The following FBXL17 variants were observed in gnomAD, a reference collection of about 807,000 sequenced individuals.
FBXL17 encodes the protein F-box and leucine rich repeat protein 17.
A neutral mutation model predicts 66.2 loss-of-function variants in FBXL17; 22 were observed. The observed-to-expected ratio is 0.33, with a 90% CI of 0.24 to 0.47. The LOEUF (loss-of-function observed/expected upper bound fraction) is 0.47. FBXL17 is among the 20% of genes least tolerant of loss of function. The pLI, the probability that FBXL17 is intolerant of heterozygous loss-of-function variation, is 1.00. For synonymous variants in FBXL17, 474 were observed against 400.5 expected (o/e 1.18, Z -2.19); for missense variants, 878 against 948.2 (o/e 0.93, Z 0.97).
intron 6 of FBXL17, among the ~76,000 whole-genome samples, chr5:108,172,534 A>C (rs1752645953): frequency 6.6e-6 from 1 of 152,192 alleles, no homozygotes; most frequent in Non-Finnish European, 1.5e-5. Flanking sequence ...CTATATTTTC[A>C]ACTACAAATA....
intron 4 of FBXL17, among the ~76,000 whole-genome samples, chr5:108,236,293 T>C (rs954938481): frequency 1.3e-5 from 2 of 151,158 alleles, no homozygotes; most frequent in Non-Finnish European, 2.9e-5. Context: ...AGGAGGATCA[T>C]TTGAGGTCAG....
At chr5:108,317,576 A>G (rs565628037) in intron 4 of FBXL17, among the ~76,000 whole-genome samples, 16 of 151,420 alleles carry the variant, frequency 1.1e-4, no homozygotes, top group African/African-American at 3.9e-4. Flanking sequence ...ATAATCTGCT[A>G]AAAATACTCT....
intron 6 of FBXL17, among the ~76,000 whole-genome samples, chr5:108,182,765 G>C (rs1156991670): frequency 6.6e-6 from 1 of 152,160 alleles, no homozygotes; most frequent in Non-Finnish European, 1.5e-5. Flanking sequence ...AAGGCAAAGT[G>C]AGAGCTCTCG....
chr5:108,052,062 G>A (rs1260156765), intron 6 of FBXL17, among the ~76,000 whole-genome samples: 3 of 140,094 alleles, frequency 2.1e-5, no homozygotes, highest in African/African-American at 8.0e-5. Flanking sequence ...GCACTGAGCC[G>A]AGATCGTGCC....
intron 4 of FBXL17, among the ~76,000 whole-genome samples, chr5:108,305,677 A>G (rs1428709779): frequency 2.6e-5 from 4 of 152,106 alleles, no homozygotes; most frequent in African/African-American, 7.2e-5. Context: ...GTTCAGTCCA[A>G]TTGAGTTTTG....
chr5:107,878,215 G>A (rs1056539264), intron 8 of FBXL17: 69 of 953,574 alleles, frequency 7.2e-5, no homozygotes, highest in Non-Finnish European at 8.6e-5. Context: ...CAAAGGCAAA[G>A]CATTCTCTAG....
At chr5:108,195,463 G>A (rs1216723460) in intron 5 of FBXL17, among the ~76,000 whole-genome samples, 1 of 152,178 alleles carries the variant, frequency 6.6e-6, no homozygotes, top group Non-Finnish European at 1.5e-5. Flanking sequence ...TGAATGGAAT[G>A]AAGACTAGCA....
chr5:108,220,288 G>A (rs530730942), intron 5 of FBXL17, among the ~76,000 whole-genome samples: 1 of 152,092 alleles, frequency 6.6e-6, no homozygotes, highest in African/African-American at 2.4e-5. Flanking sequence ...TGGTCTCCCT[G>A]GCCTTTCTGT....
chr5:108,131,202 G>T (rs939087450), intron 6 of FBXL17, among the ~76,000 whole-genome samples: 1 of 152,012 alleles, frequency 6.6e-6, no homozygotes, highest in Non-Finnish European at 1.5e-5. Flanking sequence ...ACATTAAAAG[G>T]CTCCTTGAGC....
At chr5:107,967,916 A>T (rs1752216220) in intron 7 of FBXL17, among the ~76,000 whole-genome samples, 1 of 152,128 alleles carries the variant, frequency 6.6e-6, no homozygotes, top group African/African-American at 2.4e-5. Context: ...GTTAGTTATT[A>T]TCTGCTTCAA....
chr5:108,276,063 A>G (rs1280510733), intron 4 of FBXL17, among the ~76,000 whole-genome samples: 1 of 152,220 alleles, frequency 6.6e-6, no homozygotes, highest in Non-Finnish European at 1.5e-5. Flanking sequence ...ATGTAATCCA[A>G]TATTAAATTA....
intron 6 of FBXL17, among the ~76,000 whole-genome samples, chr5:108,040,908 T>G (rs1024603485): frequency 1.3e-5 from 2 of 152,088 alleles, no homozygotes; most frequent in African/African-American, 2.4e-5. Context: ...GCTATAAAAA[T>G]CATAATAATG....
intron 6 of FBXL17, among the ~76,000 whole-genome samples, chr5:108,160,157 A>G (rs1349644554): frequency 6.6e-6 from 1 of 152,246 alleles, no homozygotes; most frequent in Non-Finnish European, 1.5e-5. Context: ...CTTAAAATTT[A>G]TGATGAGCCA....
intron 2 of FBXL17, 48 bp downstream of exon 2, chr5:108,367,782 TA>T: frequency 6.8e-7 from 1 of 1,466,130 alleles, no homozygotes; most frequent in Non-Finnish European, 9.2e-7. Context: ...GGAATAAAGA[TA>T]TTTTTTGAGT....
At chr5:108,378,146 G>A (rs377680981) in intron 1 of FBXL17, among the ~76,000 whole-genome samples, 4 of 151,270 alleles carry the variant, frequency 2.6e-5, no homozygotes, top group Non-Finnish European at 4.4e-5. Context: ...CTATATAAAA[G>A]AGAAACATCC....
intron 6 of FBXL17, among the ~76,000 whole-genome samples, chr5:108,148,878 A>C (rs1432290269): frequency 6.6e-6 from 1 of 152,232 alleles, no homozygotes; most frequent in East Asian, 1.9e-4. Context: ...GAACTATATA[A>C]AAGTATGTCA....
intron 4 of FBXL17, among the ~76,000 whole-genome samples, chr5:108,291,602 T>C (rs980779095): frequency 6.6e-6 from 1 of 152,178 alleles, no homozygotes. Context: ...AATAATGAAG[T>C]GAGTTTGGGA....
At chr5:108,226,079 C>T (rs534886628) in intron 4 of FBXL17, among the ~76,000 whole-genome samples, 1 of 152,202 alleles carries the variant, frequency 6.6e-6, no homozygotes, top group Admixed American at 6.5e-5. Context: ...TGTGTCTCAC[C>T]ACACTTTGAT....
At chr5:107,946,256 TATATATATATATA>T (rs1411820402) in intron 7 of FBXL17, among the ~76,000 whole-genome samples, 1 of 16,468 alleles carries the variant, frequency 6.1e-5, no homozygotes, top group African/African-American at 2.8e-4. Context: ...AATCTCATTT[TATATATATATATA>T]TATATATATA....
Sources: allele counts gnomAD v4.1 joint callset (sites outside exome capture counted in the v4.1 genomes callset), GRCh38; gene constraint gnomAD v4.1.1; transcripts MANE v1.5; gene names NCBI Gene and HGNC (gene_info 2026-07-23, HGNC 2026-07-21).